FAM216B: variants seen among roughly 807,000 people sequenced by gnomAD.
FAM216B encodes protein FAM216B.
Under a neutral mutation model 12.9 loss-of-function variants are expected in FAM216B, and 11 were observed. That is an observed-to-expected ratio of 0.86 (90% CI 0.54 to 1.42). The LOEUF is 1.42. Among genes scored for constraint, FAM216B ranks in the 40% most tolerant of loss-of-function variants. FAM216B has a pLI of 0.00. For missense variants in FAM216B, 167 were observed against 162.9 expected (o/e 1.02, Z -0.14); for synonymous variants, 52 against 57.2 (o/e 0.91, Z 0.41).
At chr13:42,788,525 G>A (rs1874177386) in intron 3 of FAM216B, 66 bp from the exon 4 acceptor site, 2 of 1,366,758 alleles carry the variant, frequency 1.5e-6, no homozygotes, top group Admixed American at 2.1e-5. Context: ...AATATTTGCA[G>A]TTTTGTTTTC....
chr13:42,790,144 A>G lies in FAM216B; in HGVS notation c.*1354A>G, dbSNP rs940535880. ...CTAAATACCTTTACAGTTCTAAGTG[A>G]GAAATTGTTACATAGGCTTAGAAGA... On this transcript the variant is annotated 3_prime_UTR_variant, in exon 4 of 4. Transcript: ENST00000313851. The G allele has an allele frequency of 2.6e-5, 4 of 152,150 alleles. No homozygotes were observed. Among genetic ancestry groups the G allele is most frequent in the African/African-American group, 9.7e-5 (4 of 41,432 alleles). 9.4% of individuals were successfully genotyped at this position (152,150 alleles called of 1,614,324 possible).
chr13:42,785,781 T>C (rs191556267), intron 2 of FAM216B, among the ~76,000 whole-genome samples: 2 of 149,188 alleles, frequency 1.3e-5, no homozygotes, highest in Non-Finnish European at 3.0e-5. Context: ...GGCCATTTTT[T>C]TTTAAATGCA....
chr13:42,788,532 T>C, intron 3 of FAM216B, 59 bp from the exon 4 acceptor site: 1 of 1,435,484 alleles, frequency 7.0e-7, no homozygotes. Context: ...GCAGTTTTGT[T>C]TTCTTATTTG....
At chr13:42,787,960 A>G (rs1037691779) in intron 3 of FAM216B, among the ~76,000 whole-genome samples, 1 of 152,190 alleles carries the variant, frequency 6.6e-6, no homozygotes, top group African/African-American at 2.4e-5. Flanking sequence ...CAAGTATTTA[A>G]TAGTAAACAG....
At chr13:42,787,350 G>A (rs951012661) in intron 3 of FAM216B, among the ~76,000 whole-genome samples, 7 of 152,158 alleles carry the variant, frequency 4.6e-5, no homozygotes, top group African/African-American at 1.7e-4. Context: ...TGTAGAAAAT[G>A]GAAGCTCAGG....
rs1176933934 is a variant in FAM216B at position 42,788,743 on chromosome 13, G to A, written c.373G>A (p.Val125Ile). The change falls in exon 4 of 4, where the codon GTT becomes ATT. Residue 125 changes from valine to isoleucine, a missense_variant. Transcript: ENST00000313851. ...TCCATCAGTACTACCTGTATCTGTG[G>A]TTCTACCTAGGGCCCAAAGTAAAAG... ...RCPSVLPVSV[V>I]LPRAQSKRRQ... 1 of 1,613,624 alleles carries A rather than the reference G, an allele frequency of 6.2e-7. No individual in the cohort carries two copies. The highest frequency in any genetic ancestry group is 1.3e-5 in the African/African-American group (1 of 74,872).
rs1038914443 is a variant in FAM216B, at chr13:42,789,697, A to C, written c.*907A>C. Reference sequence around the variant, plus strand: ...AAAATCAGTCACCAGTGCTCATGTAAAGTCAAAACAAAAAAATGCTTCTTC... The same window carrying C: ...AAAATCAGTCACCAGTGCTCATGTACAGTCAAAACAAAAAAATGCTTCTTC... On this transcript the variant is annotated 3_prime_UTR_variant, in exon 4 of 4. Transcript: ENST00000313851. The C allele has an allele frequency of 4.6e-5, 7 of 151,778 alleles. No homozygotes were observed. Among genetic ancestry groups the C allele is most frequent in the African/African-American group, 1.5e-4 (6 of 41,366 alleles). The allele number at this position is 151,778 out of a possible 1,614,324, so 9.4% of individuals were successfully genotyped here.
Position 42,784,820 on chromosome 13 carries a change from C to T in FAM216B, c.99+654C>T, listed in dbSNP as rs376673349. On this transcript the variant is annotated intron_variant, in intron 2 of 3. Transcript: ENST00000313851. Reference sequence around the variant, plus strand: ...CTGCACTCCAGGCTGGGTGACTGAGCAAGACTCCGTCTCAAAAAATAAATA... The same window carrying T: ...CTGCACTCCAGGCTGGGTGACTGAGTAAGACTCCGTCTCAAAAAATAAATA... Among the ~76,000 whole-genome samples the T allele has an allele frequency of 1.3e-4, 19 of 150,100 alleles. No homozygotes were observed. The South Asian group carries it at 3.6e-3, about 28-fold the overall frequency.
intron 3 of FAM216B, among the ~76,000 whole-genome samples, chr13:42,787,961 T>C (rs1594549602): frequency 6.6e-6 from 1 of 152,208 alleles, no homozygotes; most frequent in South Asian, 2.1e-4. Flanking sequence ...AAGTATTTAA[T>C]AGTAAACAGA....
intron 2 of FAM216B, 100 bp from the exon 3 acceptor site, chr13:42,786,663 G>T: frequency 2.2e-6 from 3 of 1,351,296 alleles, no homozygotes; most frequent in Non-Finnish European, 2.9e-6. Context: ...TGGTTAGCAA[G>T]AAAAGCCTCT....
intron 3 of FAM216B, 121 bp from the exon 4 acceptor site, chr13:42,788,470 G>C: frequency 1.4e-6 from 1 of 698,114 alleles, no homozygotes; most frequent in Non-Finnish European, 2.3e-6. Context: ...ATATAATCTG[G>C]GCATGCTTAC....
Position 42,784,007 on chromosome 13 carries a change from G to C in FAM216B, c.-14-47G>C, listed in dbSNP as rs569359450. 920 of 1,277,098 alleles carry C rather than the reference G, an allele frequency of 7.2e-4. 3 individuals carry two copies. Among genetic ancestry groups the C allele is most frequent in the Non-Finnish European group, 7.2e-4 (656 of 911,326 alleles). The allele number at this position is 1,277,098 out of a possible 1,614,324, so 79.1% of individuals were successfully genotyped here. On this transcript the variant is annotated intron_variant, in intron 1 of 3. Transcript: ENST00000313851. ...TTTACTTAAGTACATCCCCAAAATT[G>C]GTTGAGCTAAAAGAAATTTTATGCT...
At chr13:42,784,193 T>TTTTTG in intron 2 of FAM216B, 27 bp downstream of exon 2, 1 of 1,416,754 alleles carries the variant, frequency 7.1e-7, no homozygotes, top group Non-Finnish European at 9.6e-7. Flanking sequence ...TTTTTTTTTT[T>TTTTTG]CACAGATAGA....
rs2138038915 is a variant in FAM216B, at chr13:42,790,058, T to G, written c.*1268T>G. On this transcript the variant is annotated 3_prime_UTR_variant, in exon 4 of 4. Transcript: ENST00000313851. ...GAAGCTAATACTGACCTTGCTGGGG[T>G]CATTCACTTAATCATAAAGAAGCTT... The G allele has an allele frequency of 6.6e-6, 1 of 152,234 alleles. No individual in the cohort carries two copies. The highest frequency in any genetic ancestry group is 2.1e-4 in the South Asian group (1 of 4,814). 9.4% of individuals were successfully genotyped at this position (152,234 alleles called of 1,614,324 possible). A position where few individuals can be genotyped will look rare whatever the true frequency, so the allele number is the denominator to read the frequency against.
intron 3 of FAM216B, 148 bp from the exon 4 acceptor site, chr13:42,788,443 T>G (rs1416855058): frequency 1.8e-5 from 10 of 543,306 alleles, no homozygotes; most frequent in Admixed American, 1.3e-4. Flanking sequence ...AAAATATATT[T>G]CCAATCTTCA....
At chr13:42,785,794 T>C (rs1874062216) in intron 2 of FAM216B, among the ~76,000 whole-genome samples, 1 of 137,092 alleles carries the variant, frequency 7.3e-6, no homozygotes, top group Non-Finnish European at 1.6e-5. Flanking sequence ...TAAATGCAAA[T>C]CTGGTCAGTT....
intron 2 of FAM216B, among the ~76,000 whole-genome samples, chr13:42,785,660 A>G (rs1220082538): frequency 6.6e-6 from 1 of 152,232 alleles, no homozygotes; most frequent in Non-Finnish European, 1.5e-5. Context: ...TAGGTATGCA[A>G]TAGTAATTGA....
chr13:42,784,125 A>T lies in FAM216B; in HGVS notation c.58A>T (p.Ile20Phe). ...TTGGAATGTTCCACAACTTCCTTTT[A>T]TTCGAGTTCCTCCCTCCATCTATGA... is the stretch of plus-strand genomic sequence containing the variant. ...KLWNVPQLPF[I>F]RVPPSIYDTS... Residue 20 changes from isoleucine to phenylalanine, a missense_variant, in exon 2 of 4, where the codon ATT (isoleucine) becomes TTT (phenylalanine). Ile to Phe is a conservative substitution (Grantham distance 21, BLOSUM62 0). Transcript: ENST00000313851. The T allele has an allele frequency of 2.6e-6, 4 of 1,556,736 alleles. No homozygotes were observed. The highest frequency in any genetic ancestry group is 3.5e-6 in the Non-Finnish European group (4 of 1,145,986).
intron 1 of FAM216B, among the ~76,000 whole-genome samples, chr13:42,783,289 T>C (rs967204217): frequency 6.6e-6 from 1 of 152,186 alleles, no homozygotes; most frequent in Non-Finnish European, 1.5e-5. Context: ...GCCTGGATGA[T>C]AGAGTGAGAC....
Sources: gnomAD v4.1 joint callset for allele counts (sites outside exome capture counted in the v4.1 genomes callset) on GRCh38, gnomAD v4.1.1 for gene constraint, MANE v1.5 for transcripts, NCBI Gene and HGNC (gene_info 2026-07-23, HGNC 2026-07-21) for gene names.